The following PDCL2 variants were observed in gnomAD, a reference collection of about 807,000 sequenced individuals.
PDCL2 encodes the protein phosducin like 2.
A neutral mutation model predicts 30.3 loss-of-function variants in PDCL2; 23 were observed. The observed-to-expected ratio is 0.76, with a 90% CI of 0.55 to 1.08. PDCL2 has a LOEUF of 1.08. Ranked by LOEUF, PDCL2 falls within the 50% of genes least tolerant of loss-of-function variation. The pLI is 0.00. For missense variants in PDCL2, 243 were observed against 282.3 expected (o/e 0.86, Z 1.00); for synonymous variants, 68 against 86.2 (o/e 0.79, Z 1.17).
At chr4:55,567,287 C>A (rs1162850489) in intron 4 of PDCL2, among the ~76,000 whole-genome samples, 2 of 152,210 alleles carry the variant, frequency 1.3e-5, no homozygotes, top group Non-Finnish European at 2.9e-5. Flanking sequence ...AATCTCAATA[C>A]TCTGGGAGGC....
intron 3 of PDCL2, among the ~76,000 whole-genome samples, chr4:55,571,068 C>G (rs1286459349): frequency 6.6e-6 from 1 of 152,106 alleles, no homozygotes; most frequent in Non-Finnish European, 1.5e-5. Context: ...ATCCCCTGCC[C>G]TAATCATTCC....
At chr4:55,574,594 C>G (rs947410627) in intron 3 of PDCL2, among the ~76,000 whole-genome samples, 6 of 152,184 alleles carry the variant, frequency 3.9e-5, no homozygotes, top group African/African-American at 2.4e-5. Context: ...AAGAATTGTG[C>G]AACCATCACC....
At chr4:55,591,788 G>A (rs1333851068) in intron 1 of PDCL2, among the ~76,000 whole-genome samples, 1 of 152,120 alleles carries the variant, frequency 6.6e-6, no homozygotes, top group Admixed American at 6.5e-5. Context: ...TTGGGCTAAC[G>A]TTGCCGCTCT....
rs1240275809 is a variant in PDCL2 at position 55,556,550 on chromosome 4, T to G, written c.*7A>C. ...TATACTAAAAGCTATTTATTGAATA[T>G]TTCTCTCTATTTGGTATCATTATCA... On this transcript the variant is annotated 3_prime_UTR_variant, in exon 6 of 6. Coordinates refer to ENST00000295645, the MANE Select transcript of PDCL2 (RefSeq NM_152401.3). 2.6e-6 allele frequency: 4 copies of G among 1,520,846 alleles called. No individual in the cohort carries two copies. In the South Asian group the frequency reaches 5.0e-5, roughly 19 times the overall value. The allele number at this position is 1,520,846 out of a possible 1,614,324, so 94.2% of individuals were successfully genotyped here. A position where few individuals can be genotyped will look rare whatever the true frequency, so the allele number is the denominator to read the frequency against.
chr4:55,587,901 T>G (rs558060648), intron 1 of PDCL2, among the ~76,000 whole-genome samples: 1 of 150,136 alleles, frequency 6.7e-6, no homozygotes, highest in Admixed American at 6.8e-5. Flanking sequence ...CGCAAAAAAA[T>G]GTTTTAAATT....
chr4:55,592,030 G>C, intron 1 of PDCL2, 74 bp downstream of exon 1: 1 of 1,578,220 alleles, frequency 6.3e-7, no homozygotes, highest in East Asian at 2.3e-5. Flanking sequence ...CTCCCCATTT[G>C]TGTCCCTTGG....
At chr4:55,590,239 C>T (rs867929109) in intron 1 of PDCL2, among the ~76,000 whole-genome samples, 39 of 132,666 alleles carry the variant, frequency 2.9e-4, no homozygotes, top group African/African-American at 7.7e-4. Context: ...GTTTGTTGTG[C>T]GGATTTCAGG....
chr4:55,559,998 G>C (rs759197171), intron 5 of PDCL2, among the ~76,000 whole-genome samples: 1 of 152,130 alleles, frequency 6.6e-6, no homozygotes, highest in Non-Finnish European at 1.5e-5. Context: ...AGTTTTTAAC[G>C]AGTACAGAGT....
intron 3 of PDCL2, among the ~76,000 whole-genome samples, chr4:55,570,605 T>A (rs1050104171): frequency 1.3e-5 from 2 of 152,160 alleles, no homozygotes; most frequent in African/African-American, 2.4e-5. Context: ...GGGAAAAAAA[T>A]GAAATAATAC....
chr4:55,586,662 C>T (rs1306784352), intron 1 of PDCL2, among the ~76,000 whole-genome samples: 1 of 152,044 alleles, frequency 6.6e-6, no homozygotes. Context: ...TGTTTAAGTC[C>T]TTACTTTCAA....
chr4:55,585,117 T>G (rs1732826859), intron 1 of PDCL2, among the ~76,000 whole-genome samples: 1 of 152,206 alleles, frequency 6.6e-6, no homozygotes, highest in Non-Finnish European at 1.5e-5. Flanking sequence ...GACTTCAGTT[T>G]GCTAGTATTT....
intron 1 of PDCL2, among the ~76,000 whole-genome samples, chr4:55,587,991 G>A (rs933835909): frequency 1.1e-4 from 16 of 152,124 alleles, no homozygotes; most frequent in African/African-American, 3.6e-4. Flanking sequence ...CAAACTCAAT[G>A]TCATGAATCT....
At chr4:55,586,395 G>A (rs1287286938) in intron 1 of PDCL2, among the ~76,000 whole-genome samples, 1 of 152,078 alleles carries the variant, frequency 6.6e-6, no homozygotes, top group Non-Finnish European at 1.5e-5. Flanking sequence ...CCATGTATTT[G>A]ACTATTCTGT....
intron 4 of PDCL2, 148 bp from the exon 5 acceptor site, chr4:55,562,760 A>G (rs1259516431): frequency 9.2e-6 from 5 of 546,240 alleles, no homozygotes; most frequent in Non-Finnish European, 1.6e-5. Context: ...ACCTTTAGCA[A>G]TGAAGAACTG....
chr4:55,571,296 A>G (rs1732416756), intron 3 of PDCL2, among the ~76,000 whole-genome samples: 1 of 152,020 alleles, frequency 6.6e-6, no homozygotes, highest in Non-Finnish European at 1.5e-5. Context: ...ATGATGTGGC[A>G]TGCACCCCTC....
At chr4:55,565,962 T>C (rs1026833053) in intron 4 of PDCL2, among the ~76,000 whole-genome samples, 5 of 143,448 alleles carry the variant, frequency 3.5e-5, no homozygotes, top group African/African-American at 1.3e-4. Context: ...TGTAAGTAAA[T>C]CCATTTTTCT....
intron 3 of PDCL2, among the ~76,000 whole-genome samples, chr4:55,573,948 C>T (rs1357997825): frequency 6.6e-6 from 1 of 150,492 alleles, no homozygotes; most frequent in Non-Finnish European, 1.5e-5. Flanking sequence ...GGCTGGAGTG[C>T]AGTGGCATGG....
chr4:55,592,177 C>G lies in PDCL2; in HGVS notation c.-68G>C. The G allele has an allele frequency of 6.3e-7, 1 of 1,586,682 alleles. No homozygotes were observed. Among genetic ancestry groups the G allele is most frequent in the Non-Finnish European group, 8.6e-7 (1 of 1,166,958 alleles). On this transcript the variant is annotated 5_prime_UTR_variant, in exon 1 of 6. Transcript: ENST00000295645. ...CTGGCGAGGCGCCACGGATGGAGACCCGCAGCCTTCTCCAGGCTGGAAGAG... is the reference window on the plus strand; with the variant it reads ...CTGGCGAGGCGCCACGGATGGAGACGCGCAGCCTTCTCCAGGCTGGAAGAG...
intron 1 of PDCL2, among the ~76,000 whole-genome samples, chr4:55,582,981 A>T (rs1032030818): frequency 2.6e-5 from 4 of 151,306 alleles, no homozygotes; most frequent in African/African-American, 9.7e-5. Context: ...ATTTTATTTT[A>T]TTTTTTTTGA....
Sources: gnomAD v4.1 joint callset for allele counts (sites outside exome capture counted in the v4.1 genomes callset) on GRCh38, gnomAD v4.1.1 for gene constraint, MANE v1.5 for transcripts, NCBI Gene and HGNC (gene_info 2026-07-23, HGNC 2026-07-21) for gene names.